The following ASZ1 variants were observed in gnomAD, a reference collection of about 807,000 sequenced individuals.
ASZ1 encodes ankyrin repeat, SAM and basic leucine zipper domain-containing protein 1.
ASZ1 carries 67 observed loss-of-function variants against 61.8 expected under a neutral mutation model. The observed-to-expected ratio is 1.08, with a 90% CI of 0.89 to 1.33. The LOEUF is 1.33. Ranked by LOEUF, ASZ1 falls within the 40% of genes most tolerant of loss-of-function variation. The pLI is 0.00. For synonymous variants in ASZ1, 193 were observed against 192.7 expected (o/e 1.00, Z -0.01); for missense variants, 577 against 554.5 (o/e 1.04, Z -0.41).
intron 4 of ASZ1, among the ~76,000 whole-genome samples, chr7:117,386,453 TAG>T (rs974905554): frequency 1.3e-5 from 2 of 152,136 alleles, no homozygotes; most frequent in Non-Finnish European, 2.9e-5. Context: ...TTCCCAAAAT[TAG>T]AGATTCAATC....
intron 8 of ASZ1, 95 bp from the exon 9 acceptor site, chr7:117,381,162 C>G: frequency 2.6e-6 from 3 of 1,134,804 alleles, no homozygotes; most frequent in Non-Finnish European, 3.8e-6. Context: ...TTGCTTCACT[C>G]TGAAGCAAAT....
At chr7:117,415,408 T>A (rs1796972102) in intron 4 of ASZ1, among the ~76,000 whole-genome samples, 2 of 152,196 alleles carry the variant, frequency 1.3e-5, no homozygotes, top group African/African-American at 2.4e-5. Flanking sequence ...TCTGTCTCAA[T>A]TATCAGATTG....
At chr7:117,398,867 G>A (rs969103418) in intron 4 of ASZ1, among the ~76,000 whole-genome samples, 1 of 152,060 alleles carries the variant, frequency 6.6e-6, no homozygotes, top group Non-Finnish European at 1.5e-5. Context: ...ACTTGCACGT[G>A]CACCTACCTC....
chr7:117,426,713 C>G, intron 2 of ASZ1, 123 bp downstream of exon 2: 2 of 863,186 alleles, frequency 2.3e-6, no homozygotes, highest in South Asian at 2.0e-5. Context: ...GAAGATTATG[C>G]AGGATGATAC....
intron 4 of ASZ1, among the ~76,000 whole-genome samples, chr7:117,418,788 C>A (rs1797045994): frequency 6.6e-6 from 1 of 152,074 alleles, no homozygotes; most frequent in Non-Finnish European, 1.5e-5. Flanking sequence ...ATAGTGAAAC[C>A]CCGTCTCTAC....
At chr7:117,421,979 T>C (rs1797106794) in intron 3 of ASZ1, among the ~76,000 whole-genome samples, 1 of 152,192 alleles carries the variant, frequency 6.6e-6, no homozygotes, top group African/African-American at 2.4e-5. Flanking sequence ...GAATTTTTCC[T>C]TTAAAAACAA....
At chr7:117,379,168 T>TATATATACAC (rs1161457624) in intron 10 of ASZ1, among the ~76,000 whole-genome samples, 41 of 69,714 alleles carry the variant, frequency 5.9e-4, no homozygotes, top group South Asian at 1.4e-3. Flanking sequence ...TATATATATA[T>TATATATACAC]ACACACACAC....
chr7:117,390,367 G>A (rs1056702820), intron 4 of ASZ1, among the ~76,000 whole-genome samples: 4 of 152,064 alleles, frequency 2.6e-5, no homozygotes, highest in Admixed American at 2.6e-4. Context: ...TGGAGTCTCT[G>A]TATGTTGTCC....
At chr7:117,368,335 A>T (rs2116445155) in intron 11 of ASZ1, 1 of 1,063,940 alleles carries the variant, frequency 9.4e-7, no homozygotes, top group East Asian at 6.7e-5. Flanking sequence ...GTCACTTTAT[A>T]TTTTAAAAAA....
At chr7:117,406,802 C>T (rs923559983) in intron 4 of ASZ1, among the ~76,000 whole-genome samples, 23 of 151,314 alleles carry the variant, frequency 1.5e-4, no homozygotes, top group Non-Finnish European at 7.4e-5. Context: ...AACAATAGCA[C>T]AAATACAGGG....
chr7:117,405,606 C>T (rs1176653249), intron 4 of ASZ1, among the ~76,000 whole-genome samples: 1 of 152,234 alleles, frequency 6.6e-6, no homozygotes, highest in Non-Finnish European at 1.5e-5. Context: ...TGTGGATGGC[C>T]ATCCCAGCGT....
chr7:117,382,037 C>T (rs766209385), intron 8 of ASZ1, 32 bp downstream of exon 8: 21 of 1,301,682 alleles, frequency 1.6e-5, no homozygotes, highest in Non-Finnish European at 2.3e-5. Flanking sequence ...AACATATATG[C>T]ATAACTCACT....
chr7:117,367,638 A>G lies in ASZ1; in HGVS notation c.1162-173T>C, dbSNP rs1795968860. ...TAAGTAATTTTATAAAAATATAATC[A>G]AATGAGCTTGCCAAATGCATTTCCT... On this transcript the variant is annotated intron_variant, in intron 11 of 12. Transcript: ENST00000284629. 3.6e-6 allele frequency: 4 copies of G among 1,122,318 alleles called. 1 individual carries two copies. Among genetic ancestry groups the G allele is most frequent in the Non-Finnish European group, 4.5e-6 (4 of 895,224 alleles). The allele number at this position is 1,122,318 out of a possible 1,614,324, so 69.5% of individuals were successfully genotyped here. A position where few individuals can be genotyped will look rare whatever the true frequency, so the allele number is the denominator to read the frequency against.
At chr7:117,379,859 A>G in intron 10 of ASZ1, 79 bp downstream of exon 10, 1 of 923,648 alleles carries the variant, frequency 1.1e-6, no homozygotes. Flanking sequence ...AAAATGACTC[A>G]GACATTATGA....
chr7:117,365,306 G>A (rs1326123400), intron 12 of ASZ1, among the ~76,000 whole-genome samples: 1 of 152,078 alleles, frequency 6.6e-6, no homozygotes, highest in Non-Finnish European at 1.5e-5. Flanking sequence ...ACGGGAAAAA[G>A]GTCTTCTATT....
intron 4 of ASZ1, among the ~76,000 whole-genome samples, chr7:117,389,174 CTT>C (rs765121578): frequency 2.8e-5 from 4 of 144,054 alleles, no homozygotes; most frequent in African/African-American, 5.1e-5. Context: ...ATCCAGAAGT[CTT>C]TTTTTTTTTT....
chr7:117,417,448 T>C (rs902486383), intron 4 of ASZ1, among the ~76,000 whole-genome samples: 1 of 152,230 alleles, frequency 6.6e-6, no homozygotes, highest in Non-Finnish European at 1.5e-5. Context: ...TGGTATCTTT[T>C]GGCACTTTTT....
At chr7:117,389,804 A>G (rs771343980) in intron 4 of ASZ1, among the ~76,000 whole-genome samples, 23 of 152,118 alleles carry the variant, frequency 1.5e-4, no homozygotes, top group South Asian at 2.1e-4. Flanking sequence ...CCATTCTCCA[A>G]TTGCTAGCAT....
At chr7:117,391,942 C>T (rs766530264) in intron 4 of ASZ1, among the ~76,000 whole-genome samples, 5 of 152,112 alleles carry the variant, frequency 3.3e-5, no homozygotes, top group African/African-American at 4.8e-5. Flanking sequence ...CAGGCGTGCA[C>T]CACCAGGCCC....
Sources: allele counts gnomAD v4.1 joint callset (sites outside exome capture counted in the v4.1 genomes callset), GRCh38; gene constraint gnomAD v4.1.1; transcripts MANE v1.5; gene names NCBI Gene and HGNC (gene_info 2026-07-23, HGNC 2026-07-21).